GCH1: variants seen among roughly 807,000 people sequenced by gnomAD.
GCH1 encodes the protein GTP cyclohydrolase I.
GCH1 carries 5 observed loss-of-function variants against 25.9 expected under a neutral mutation model. That is an observed-to-expected ratio of 0.19 (90% confidence interval 0.10 to 0.41). The LOEUF (loss-of-function observed/expected upper bound fraction) is 0.41. GCH1 is among the 10% of genes least tolerant of loss of function. The pLI is 1.00. For synonymous variants in GCH1, 159 were observed against 129.6 expected (o/e 1.23, Z -1.54); for missense variants, 261 against 336.5 (o/e 0.78, Z 1.75).
chr14:54,880,584 CATAT>C (rs374013163), intron 1 of GCH1, among the ~76,000 whole-genome samples: 1 of 34,770 alleles, frequency 2.9e-5, no homozygotes, highest in Non-Finnish European at 4.5e-5. Flanking sequence ...ATATATACTC[CATAT>C]ATATATACTC....
intron 1 of GCH1, among the ~76,000 whole-genome samples, 188 bp downstream of exon 1, chr14:54,902,133 G>T (rs1030933161): frequency 3.3e-4 from 50 of 152,186 alleles, no homozygotes; most frequent in Non-Finnish European, 1.2e-4. Flanking sequence ...TGCCACCCAG[G>T]AAGCCCCGAC....
intron 2 of GCH1, among the ~76,000 whole-genome samples, chr14:54,860,085 C>A (rs1698454111): frequency 6.6e-6 from 1 of 152,130 alleles, no homozygotes; most frequent in African/African-American, 2.4e-5. Flanking sequence ...GCAGAACCTG[C>A]ATATATGAAA....
intron 1 of GCH1, among the ~76,000 whole-genome samples, chr14:54,879,477 A>G (rs1253604706): frequency 1.4e-4 from 21 of 151,846 alleles, no homozygotes; most frequent in Non-Finnish European, 2.2e-4. Flanking sequence ...TAATAGCAAA[A>G]ATAGAGAAGA....
intron 2 of GCH1, among the ~76,000 whole-genome samples, chr14:54,864,847 G>A (rs1207547986): frequency 1.3e-5 from 2 of 152,108 alleles, no homozygotes; most frequent in African/African-American, 2.4e-5. Flanking sequence ...AATATAGAAA[G>A]GAATGGAAAC....
At chr14:54,858,724 T>C (rs917933570) in intron 3 of GCH1, among the ~76,000 whole-genome samples, 5 of 151,814 alleles carry the variant, frequency 3.3e-5, no homozygotes, top group African/African-American at 1.2e-4. Flanking sequence ...TCTCTCTCTC[T>C]CCACACACAC....
At position 54,859,683 on chromosome 14, in the gene GCH1, C is replaced by G. The variant is rs150158277; in HGVS notation, c.507G>C (p.Ala169=). 10 of 1,576,750 alleles carry G rather than the reference C, an allele frequency of 6.3e-6. No individual in the cohort carries two copies. The Admixed American group carries it at 1.0e-4, about 16-fold the overall frequency. The part of the protein sequence containing the change: ...NKQVLGLSKL[A]RIVEIYSRRL... ...GTTCACTGCACAGTCACACTTACCTCGCAAGTTTGCTGAGGCCAAGGACTT... is the reference window on the plus strand; with the variant it reads ...GTTCACTGCACAGTCACACTTACCTGGCAAGTTTGCTGAGGCCAAGGACTT... Residue 169 remains alanine, a splice_region_variant and synonymous_variant, in exon 3 of 6, where the codon GCG becomes GCC. Coordinates refer to ENST00000491895, the MANE Select transcript of GCH1 (RefSeq NM_000161.3).
At chr14:54,861,985 C>T (rs1343044103) in intron 2 of GCH1, among the ~76,000 whole-genome samples, 3 of 152,122 alleles carry the variant, frequency 2.0e-5, no homozygotes, top group Non-Finnish European at 2.9e-5. Context: ...TTTCCAGATA[C>T]GATATGGCTT....
intron 1 of GCH1, among the ~76,000 whole-genome samples, chr14:54,877,290 A>G (rs1003960517): frequency 6.6e-6 from 1 of 152,218 alleles, no homozygotes; most frequent in Non-Finnish European, 1.5e-5. Context: ...CACAACCACA[A>G]ACAAAATGAA....
chr14:54,893,790 T>C (rs888157587), intron 1 of GCH1, among the ~76,000 whole-genome samples: 2 of 152,206 alleles, frequency 1.3e-5, no homozygotes, highest in African/African-American at 4.8e-5. Flanking sequence ...TCAGCAGTAT[T>C]TGTTACTCAG....
chr14:54,880,549 T>C (rs1408107909), intron 1 of GCH1, among the ~76,000 whole-genome samples: 1 of 82,400 alleles, frequency 1.2e-5, no homozygotes, highest in Non-Finnish European at 2.1e-5. Context: ...TATATATATA[T>C]ACTCCATATA....
Position 54,842,710 on chromosome 14 carries a change from A to T in GCH1, c.*1307T>A. Reference sequence around the variant, plus strand: ...ATTTGAAGAGCACTATGTCAACCAAATACTAAACTTCATGGAATAACTGTG... The same window carrying T: ...ATTTGAAGAGCACTATGTCAACCAATTACTAAACTTCATGGAATAACTGTG... On this transcript the variant is annotated 3_prime_UTR_variant, in exon 6 of 6. Transcript: ENST00000491895. 3.3e-6 allele frequency: 1 copy of T among 299,662 alleles called. No individual in the cohort carries two copies. The highest frequency in any genetic ancestry group is 5.5e-5 in the East Asian group (1 of 18,054). The allele number at this position is 299,662 out of a possible 1,614,324, so 18.6% of individuals were successfully genotyped here.
chr14:54,896,821 G>C (rs1423950430), intron 1 of GCH1, among the ~76,000 whole-genome samples: 1 of 150,770 alleles, frequency 6.6e-6, no homozygotes, highest in Admixed American at 6.6e-5. Context: ...TCAGGAGGCT[G>C]AGGCAGGAGA....
chr14:54,851,243 A>G (rs2039725762), intron 3 of GCH1, among the ~76,000 whole-genome samples: 1 of 152,220 alleles, frequency 6.6e-6, no homozygotes. Context: ...AAACACTTAA[A>G]TGTTAGACCT....
chr14:54,887,448 A>T (rs1447182477), intron 1 of GCH1, among the ~76,000 whole-genome samples: 1 of 152,224 alleles, frequency 6.6e-6, no homozygotes, highest in Non-Finnish European at 1.5e-5. Flanking sequence ...TACAAATCAT[A>T]AAGGTAGAGT....
At chr14:54,899,709 T>C (rs985338257) in intron 1 of GCH1, among the ~76,000 whole-genome samples, 32 of 152,152 alleles carry the variant, frequency 2.1e-4, no homozygotes, top group African/African-American at 7.5e-4. Flanking sequence ...ATTCACAATA[T>C]TGTGCAACTA....
Position 54,902,678 on chromosome 14 carries a change from C to T in GCH1, c.-15G>A, listed in dbSNP as rs753829289. On this transcript the variant is annotated 5_prime_UTR_variant, in exon 1 of 6. Coordinates refer to ENST00000491895, the MANE Select transcript of GCH1 (RefSeq NM_000161.3). Reference sequence around the variant, plus strand: ...CCCTTCTCCATGGACCCGCCGCAGCCGCTGCCGTTCGGGAAGGACCCCGGG... The same window carrying T: ...CCCTTCTCCATGGACCCGCCGCAGCTGCTGCCGTTCGGGAAGGACCCCGGG... 1 of 1,437,712 alleles carries T rather than the reference C, an allele frequency of 7.0e-7. No individual in the cohort carries two copies. 89.1% of individuals were successfully genotyped at this position (1,437,712 alleles called of 1,614,324 possible).
intron 3 of GCH1, among the ~76,000 whole-genome samples, chr14:54,853,347 T>G (rs1594977111): frequency 6.6e-6 from 1 of 152,222 alleles, no homozygotes; most frequent in East Asian, 1.9e-4. Flanking sequence ...CCAAACTTTA[T>G]GAATGTGTCT....
chr14:54,891,328 A>T (rs568331147), intron 1 of GCH1, among the ~76,000 whole-genome samples: 5 of 150,952 alleles, frequency 3.3e-5, no homozygotes, highest in East Asian at 1.9e-4. Context: ...CTGGTCTCGA[A>T]CTCCTGACCT....
At chr14:54,894,496 A>AACC (rs140459106) in intron 1 of GCH1, among the ~76,000 whole-genome samples, 3,800 of 152,174 alleles carry the variant, frequency 0.025, 153 homozygotes, top group African/African-American at 0.087. Flanking sequence ...CTGTCATTTA[A>AACC]ACCACCTAGT....
Sources: gnomAD v4.1 joint callset for allele counts (sites outside exome capture counted in the v4.1 genomes callset) on GRCh38, gnomAD v4.1.1 for gene constraint, MANE v1.5 for transcripts, NCBI Gene and HGNC (gene_info 2026-07-23, HGNC 2026-07-21) for gene names.